Variants in RMST observed in about 807,000 individuals in gnomAD.
RMST encodes the protein rhabdomyosarcoma 2 associated transcript.
chr12:97,504,295 T>C (rs1878422125), intron 10 of RMST, among the ~76,000 whole-genome samples: 1 of 151,580 alleles, frequency 6.6e-6, no homozygotes. Context: ...TCGCAGATAC[T>C]TGGGAGGCTG....
At chr12:97,525,831 A>G (rs1369827388) in intron 10 of RMST, among the ~76,000 whole-genome samples, 2 of 152,182 alleles carry the variant, frequency 1.3e-5, no homozygotes, top group African/African-American at 2.4e-5. Context: ...AAGTGAGAGA[A>G]GCTTCATCTG....
chr12:97,509,951 C>T (rs902004710), intron 10 of RMST, among the ~76,000 whole-genome samples: 5 of 152,086 alleles, frequency 3.3e-5, no homozygotes, highest in South Asian at 2.1e-4. Flanking sequence ...CTATAGCTAC[C>T]TGGGGAAAAT....
chr12:97,473,408 A>G (rs1056563381), intron 5 of RMST, among the ~76,000 whole-genome samples: 2 of 152,124 alleles, frequency 1.3e-5, no homozygotes, highest in African/African-American at 4.8e-5. Context: ...TGGTGGATTT[A>G]TTGGTGCCCT....
At chr12:97,493,349 A>G (rs1205151434) in intron 7 of RMST, 2 of 152,622 alleles carry the variant, frequency 1.3e-5, no homozygotes, top group African/African-American at 4.8e-5. Flanking sequence ...AACAGAGGCT[A>G]AGTTTAGACA....
chr12:97,509,271 T>C (rs1375415842), intron 10 of RMST, among the ~76,000 whole-genome samples: 1 of 152,190 alleles, frequency 6.6e-6, no homozygotes, highest in African/African-American at 2.4e-5. Context: ...CTCTGATCTG[T>C]TGATGTCTTA....
chr12:97,482,625 T>C (rs982427393), intron 5 of RMST, among the ~76,000 whole-genome samples: 1 of 146,172 alleles, frequency 6.8e-6, no homozygotes, highest in Non-Finnish European at 1.5e-5. Context: ...TTTAATTTAT[T>C]TAATATTTAA....
intron 10 of RMST, among the ~76,000 whole-genome samples, chr12:97,503,459 GAA>G (rs532563234): frequency 5.3e-5 from 7 of 133,002 alleles, no homozygotes; most frequent in African/African-American, 8.2e-5. Context: ...TTAATTCCAG[GAA>G]AAAAAAAAAA....
At chr12:97,563,370 C>G (rs1361712147) in intron 13 of RMST, 1 of 202,528 alleles carries the variant, frequency 4.9e-6, no homozygotes, top group Non-Finnish European at 1.0e-5. Flanking sequence ...GACTCCCCAC[C>G]TGACCCAAAA....
intron 5 of RMST, among the ~76,000 whole-genome samples, chr12:97,469,577 G>A (rs761137808): frequency 2.0e-5 from 3 of 152,020 alleles, no homozygotes; most frequent in African/African-American, 4.8e-5. Context: ...TTTGTTTGTA[G>A]ATGAGGAAAC....
chr12:97,511,465 C>T (rs1879288043), intron 10 of RMST, among the ~76,000 whole-genome samples: 1 of 152,124 alleles, frequency 6.6e-6, no homozygotes, highest in South Asian at 2.1e-4. Flanking sequence ...ATACAAATTA[C>T]CCTAGAGAGT....
At chr12:97,513,349 G>A (rs1336977630) in intron 10 of RMST, among the ~76,000 whole-genome samples, 2 of 152,230 alleles carry the variant, frequency 1.3e-5, no homozygotes, top group Non-Finnish European at 2.9e-5. Context: ...TCAGTTTCAT[G>A]AATAGAGAAT....
chr12:97,520,508 AAATTT>A (rs1277799528), intron 10 of RMST, among the ~76,000 whole-genome samples: 1 of 152,104 alleles, frequency 6.6e-6, no homozygotes, highest in Non-Finnish European at 1.5e-5. Flanking sequence ...CTCCTAAATT[AAATTT>A]AAAATTATAA....
chr12:97,562,341 G>C (rs1329522222), intron 13 of RMST, among the ~76,000 whole-genome samples: 1 of 152,186 alleles, frequency 6.6e-6, no homozygotes, highest in East Asian at 1.9e-4. Flanking sequence ...TGGAGAAAGG[G>C]AAAGTGTTGA....
chr12:97,473,696 A>C (rs901666832), intron 5 of RMST, among the ~76,000 whole-genome samples: 4 of 152,136 alleles, frequency 2.6e-5, no homozygotes, highest in Admixed American at 1.3e-4. Context: ...AATAAAACTT[A>C]ACATTAAGCA....
intron 5 of RMST, among the ~76,000 whole-genome samples, chr12:97,479,085 C>T (rs10860217): frequency 0.48 from 71,024 of 148,618 alleles, 17,678 homozygotes; most frequent in Middle Eastern, 0.61. Context: ...TCATTCAAAC[C>T]TCTTGAAAAT....
intron 5 of RMST, among the ~76,000 whole-genome samples, chr12:97,488,890 AACTC>A (rs991225492): frequency 6.6e-6 from 1 of 152,146 alleles, no homozygotes; most frequent in Non-Finnish European, 1.5e-5. Flanking sequence ...AGCCATTTCT[AACTC>A]ACCCATATGG....
intron 5 of RMST, among the ~76,000 whole-genome samples, chr12:97,471,683 T>C (rs1040841328): frequency 1.3e-5 from 2 of 152,164 alleles, no homozygotes; most frequent in African/African-American, 4.8e-5. Context: ...AGCTACAGTG[T>C]GTAACTGTTG....
intron 10 of RMST, among the ~76,000 whole-genome samples, chr12:97,503,808 A>G (rs1227399415): frequency 6.6e-6 from 1 of 152,252 alleles, no homozygotes; most frequent in Non-Finnish European, 1.5e-5. Context: ...ATTCCCATCT[A>G]GAATATTGCA....
chr12:97,471,805 A>G (rs745737565), intron 5 of RMST, among the ~76,000 whole-genome samples: 4 of 152,114 alleles, frequency 2.6e-5, no homozygotes, highest in Non-Finnish European at 5.9e-5. Flanking sequence ...GGAAATATTT[A>G]ATCAGCCACT....
Sources: gnomAD v4.1 joint callset for allele counts (sites outside exome capture counted in the v4.1 genomes callset) on GRCh38, gnomAD v4.1.1 for gene constraint, MANE v1.5 for transcripts, NCBI Gene and HGNC (gene_info 2026-07-23, HGNC 2026-07-21) for gene names.